Variants in MUC12 observed in about 807,000 individuals in gnomAD.
MUC12 encodes the protein mucin 12, cell surface associated, also known as mucin-12.
A neutral mutation model predicts 230.8 loss-of-function variants in MUC12; 172 were observed. The observed-to-expected ratio is 0.75, with a 90% CI of 0.66 to 0.85. The LOEUF is 0.85. Ranked by LOEUF, MUC12 falls within the 40% of genes least tolerant of loss-of-function variation. The probability of loss-of-function intolerance (pLI) is 0.00; values close to 1 mark genes in which losing one functional copy is unlikely to be tolerated. For synonymous variants in MUC12, 1,259 were observed against 2,401.9 expected (o/e 0.52, Z 13.91); for missense variants, 3,506 against 5,920.6 (o/e 0.59, Z 13.38).
Position 100,991,574 on chromosome 7 carries a change from A to G in MUC12, c.1011A>G (p.Pro337=). 1 of 1,537,092 alleles carries G rather than the reference A, an allele frequency of 6.5e-7. No homozygotes were observed. Among genetic ancestry groups the G allele is most frequent in the East Asian group, 2.4e-5 (1 of 40,880 alleles). The change falls in exon 2 of 12, where the codon CCA becomes CCG. Residue 337 remains proline (P), a synonymous_variant. Transcript: ENST00000536621. ...AATCGACACCAGTCCACAGCAGCCCAGTTGCAACTGCAACAACACCCCCAC... is the reference window on the plus strand; with the variant it reads ...AATCGACACCAGTCCACAGCAGCCCGGTTGCAACTGCAACAACACCCCCAC... ...SEESTPVHSS[P]VATATTPPPA... is the part of the protein sequence containing the mutation.
At chr7:100,988,962 C>T (rs766428907) in intron 1 of MUC12, among the ~76,000 whole-genome samples, 4 of 152,064 alleles carry the variant, frequency 2.6e-5, no homozygotes, top group African/African-American at 4.8e-5. Flanking sequence ...CTCTCTCTTG[C>T]CTGCTGCCAA....
chr7:101,016,186 C>T (rs1793915585), intron 10 of MUC12, among the ~76,000 whole-genome samples: 1 of 151,960 alleles, frequency 6.6e-6, no homozygotes, highest in Non-Finnish European at 1.5e-5. Context: ...GAAACGCCTG[C>T]AGTTGGGAAG....
In MUC12 at chr7:101,005,200, A is replaced by G; in HGVS notation, c.14637A>G (p.Thr4879=). 2 of 1,537,290 alleles carry G rather than the reference A, an allele frequency of 1.3e-6. No homozygotes were observed. Among genetic ancestry groups the G allele is most frequent in the Middle Eastern group, 1.7e-4 (1 of 5,996 alleles). Reference sequence around the variant, plus strand: ...TGTCCATTCATAGTCAACAATCTACACCCTTCCCTGACAGCCCAGGCTTCA... The same window carrying G: ...TGTCCATTCATAGTCAACAATCTACGCCCTTCCCTGACAGCCCAGGCTTCA... ...NTMSIHSQQS[T]PFPDSPGFTH... Residue 4879 remains threonine (T), a synonymous_variant, in exon 2 of 12, where the codon ACA becomes ACG. Coordinates refer to ENST00000536621, the MANE Select transcript of MUC12 (RefSeq NM_001164462.2).
Position 100,991,629 on chromosome 7 carries a change from G to C in MUC12, c.1066G>C (p.Glu356Gln). The change falls in exon 2 of 12, where the codon GAA becomes CAA. Residue 356 changes from glutamate (E) to glutamine (Q), a missense_variant. Physicochemically the swap from Glu to Gln is conservative, Grantham distance 29. Transcript: ENST00000536621. ...PARSATSGHV[E>Q]ESTAYHRSPG... is the part of the protein sequence containing the mutation. Reference sequence around the variant, plus strand: ...CCGCTCCGCGACCTCAGGCCATGTTGAAGAATCTACAGCCTACCACAGGAG... The same window carrying C: ...CCGCTCCGCGACCTCAGGCCATGTTCAAGAATCTACAGCCTACCACAGGAG... 3.3e-6 allele frequency: 5 copies of C among 1,536,952 alleles called. No homozygotes were observed. Among genetic ancestry groups the C allele is most frequent in the Non-Finnish European group, 4.4e-6 (5 of 1,146,318 alleles).
chr7:100,969,719 C>G (rs1792808859), intron 1 of MUC12, 30 bp downstream of exon 1: 1 of 1,537,310 alleles, frequency 6.5e-7, no homozygotes, highest in Non-Finnish European at 8.7e-7. Context: ...TGCTCCAGGT[C>G]CAGTGCTCCT....
chr7:100,988,383 G>A (rs952739237), intron 1 of MUC12, among the ~76,000 whole-genome samples: 1 of 151,290 alleles, frequency 6.6e-6, no homozygotes, highest in Non-Finnish European at 1.5e-5. Context: ...CATGTGACCA[G>A]CCTGCTCTCC....
Position 101,009,083 on chromosome 7 carries a change from T to C in MUC12, c.15187-12T>C. The C allele has an allele frequency of 3.3e-6, 5 of 1,537,702 alleles. No homozygotes were observed. The highest frequency in any genetic ancestry group is 4.4e-6 in the Non-Finnish European group (5 of 1,146,978). On this transcript the variant is annotated splice_polypyrimidine_tract_variant and intron_variant, in intron 4 of 11. Transcript: ENST00000536621. ...TAGCTTTGTGTGACCTTCGCTGCCTTGTTTCTTTCAGATGGATGTCGTTTT... is the reference window on the plus strand; with the variant it reads ...TAGCTTTGTGTGACCTTCGCTGCCTCGTTTCTTTCAGATGGATGTCGTTTT...
Position 100,992,479 on chromosome 7 carries a change from G to C in MUC12, c.1916G>C (p.Ser639Thr). Residue 639 changes from serine to threonine, a missense_variant, in exon 2 of 12, where the codon AGC becomes ACC. By Grantham distance (58) the Ser-to-Thr change is moderately conservative (BLOSUM62 1). Coordinates refer to ENST00000536621, the MANE Select transcript of MUC12 (RefSeq NM_001164462.2). ...TCTACCACATTCCATAGCTGGCCAA[G>C]CTCAAAGGACACTAGGCCTGCACCT... is the stretch of plus-strand genomic sequence containing the variant. ...GESTTFHSWP[S>T]SKDTRPAPPT... is the part of the protein sequence containing the mutation. 6.5e-7 allele frequency: 1 copy of C among 1,537,862 alleles called. No individual in the cohort carries two copies. The highest frequency in any genetic ancestry group is 1.4e-5 in the African/African-American group (1 of 73,138).
At chr7:101,008,374 G>A (rs1361412762) in intron 3 of MUC12, among the ~76,000 whole-genome samples, 1 of 152,092 alleles carries the variant, frequency 6.6e-6, no homozygotes. Context: ...TGGGATTACA[G>A]GTGTGAGCCA....
At chr7:100,973,995 A>G (rs1466491138) in intron 1 of MUC12, among the ~76,000 whole-genome samples, 2 of 152,094 alleles carry the variant, frequency 1.3e-5, no homozygotes, top group Non-Finnish European at 2.9e-5. Context: ...TCTTAAAAAA[A>G]AAAATTAGCC....
rs1194636268 is a variant in MUC12, at chr7:100,969,696, G to A, written c.67+7G>A. 5.2e-6 allele frequency: 8 copies of A among 1,537,338 alleles called. No homozygotes were observed. The East Asian group carries it at 7.3e-5, about 14-fold the overall frequency. Reference sequence around the variant, plus strand: ...GTTACTACAGTGACACCAGGTGAGTGCTCCTGGGCTGATGCTCCAGGTCCA... The same window carrying A: ...GTTACTACAGTGACACCAGGTGAGTACTCCTGGGCTGATGCTCCAGGTCCA... On this transcript the variant is annotated splice_region_variant and intron_variant, in intron 1 of 11. Transcript: ENST00000536621.
chr7:101,005,218 A>G lies in MUC12; in HGVS notation c.14655A>G (p.Pro4885=), dbSNP rs1333123222. 1.3e-6 allele frequency: 2 copies of G among 1,537,896 alleles called. No individual in the cohort carries two copies. The part of the protein sequence containing the change: ...SQQSTPFPDS[P]GFTHTVLPAT... ...AATCTACACCCTTCCCTGACAGCCC[A>G]GGCTTCACTCACACAGTGTTACCTG... The change falls in exon 2 of 12, where the codon CCA becomes CCG. Residue 4885 remains proline, a synonymous_variant. Coordinates refer to ENST00000536621, the MANE Select transcript of MUC12 (RefSeq NM_001164462.2).
chr7:101,012,925 G>T, intron 7 of MUC12, 35 bp downstream of exon 7: 2 of 1,537,266 alleles, frequency 1.3e-6, no homozygotes, highest in East Asian at 2.4e-5. Context: ...CACTAAGAGT[G>T]GGGGCTGGGA....
intron 1 of MUC12, among the ~76,000 whole-genome samples, chr7:100,988,086 G>C (rs1563088111): frequency 6.6e-6 from 1 of 151,912 alleles, no homozygotes; most frequent in Non-Finnish European, 1.5e-5. Flanking sequence ...GATCATTTGA[G>C]GTTAGGAGTT....
intron 5 of MUC12, among the ~76,000 whole-genome samples, chr7:101,011,596 A>AT (rs1277810924): frequency 6.6e-6 from 1 of 151,742 alleles, no homozygotes; most frequent in African/African-American, 2.4e-5. Flanking sequence ...TAATTTTTGT[A>AT]TTTTTTGTAG....
At chr7:100,981,816 T>C (rs1258292601) in intron 1 of MUC12, among the ~76,000 whole-genome samples, 1 of 150,732 alleles carries the variant, frequency 6.6e-6, no homozygotes, top group African/African-American at 2.4e-5. Flanking sequence ...CCAGCCTCTG[T>C]CCCTCCATTG....
Position 100,990,750 on chromosome 7 carries a change from A to G in MUC12, c.187A>G (p.Thr63Ala), listed in dbSNP as rs1434497293. Residue 63 changes from threonine to alanine, a missense_variant, in exon 2 of 12, where the codon ACT (threonine) becomes GCT (alanine). Coordinates refer to ENST00000536621, the MANE Select transcript of MUC12 (RefSeq NM_001164462.2). ...GVSVTFITGSTATKHFLDSST... is the reference protein window; with the variant it reads ...GVSVTFITGSAATKHFLDSST... ...GTCAGTCACATTTATCACGGGCTCAACTGCAACAAAACACTTCCTTGACAG... is the reference window on the plus strand; with the variant it reads ...GTCAGTCACATTTATCACGGGCTCAGCTGCAACAAAACACTTCCTTGACAG... 4 of 1,537,904 alleles carry G rather than the reference A, an allele frequency of 2.6e-6. No homozygotes were observed. Among genetic ancestry groups the G allele is most frequent in the Admixed American group, 2.0e-5 (1 of 51,008 alleles).
chr7:100,970,560 A>C (rs1792856257), intron 1 of MUC12, among the ~76,000 whole-genome samples: 1 of 151,638 alleles, frequency 6.6e-6, no homozygotes, highest in South Asian at 2.1e-4. Context: ...GAAAGGAAGA[A>C]AGAAAGAAAG....
intron 1 of MUC12, among the ~76,000 whole-genome samples, chr7:100,971,030 C>T (rs1225505628): frequency 6.6e-6 from 1 of 152,094 alleles, no homozygotes; most frequent in African/African-American, 2.4e-5. Flanking sequence ...GTGGCACACG[C>T]CTGTAGTCTC....
Sources: allele counts gnomAD v4.1 joint callset (sites outside exome capture counted in the v4.1 genomes callset), GRCh38; gene constraint gnomAD v4.1.1; transcripts MANE v1.5; gene names NCBI Gene and HGNC (gene_info 2026-07-23, HGNC 2026-07-21).